The following SEMA6A variants were observed in gnomAD, a reference collection of about 807,000 sequenced individuals.
SEMA6A encodes semaphorin-6A.
A neutral mutation model predicts 96.8 loss-of-function variants in SEMA6A; 25 were observed. The observed-to-expected ratio is 0.26, with a 90% CI of 0.19 to 0.36. The LOEUF (loss-of-function observed/expected upper bound fraction) is 0.36. Ranked by LOEUF, SEMA6A falls within the 10% of genes least tolerant of loss-of-function variation. SEMA6A has a pLI of 1.00. For synonymous variants in SEMA6A, 612 were observed against 518.0 expected (o/e 1.18, Z -2.46); for missense variants, 1,363 against 1,323.1 (o/e 1.03, Z -0.47).
At chr5:116,455,590 A>T (rs1754963704) in intron 18 of SEMA6A, among the ~76,000 whole-genome samples, 2 of 152,120 alleles carry the variant, frequency 1.3e-5, no homozygotes, top group African/African-American at 4.8e-5. Context: ...GGACCTCCTT[A>T]AAAAATTGTG....
chr5:116,472,967 T>A, intron 17 of SEMA6A, 106 bp downstream of exon 17: 1 of 1,516,990 alleles, frequency 6.6e-7, no homozygotes. Context: ...AAAAAATTAA[T>A]TAAAAAGAAA....
At chr5:116,552,744 A>T (rs1182861265) in intron 1 of SEMA6A, among the ~76,000 whole-genome samples, 1 of 152,194 alleles carries the variant, frequency 6.6e-6, no homozygotes, top group Non-Finnish European at 1.5e-5. Context: ...AAGTGTTACT[A>T]ATGGGGCACT....
chr5:116,443,632 CTTTTCTT>C lies in SEMA6A; in HGVS notation c.*2974_*2980del, dbSNP rs1176861739. 4.0e-5 allele frequency: 6 copies of C among 151,778 alleles called. No homozygotes were observed. The East Asian group carries it at 1.2e-3, about 29-fold the overall frequency. The allele number at this position is 151,778 out of a possible 1,614,324, so 9.4% of individuals were successfully genotyped here. On this transcript the variant is annotated 3_prime_UTR_variant, in exon 19 of 19. Transcript: ENST00000343348. ...TTGCTTTTCTTTTTTCCCTTTTTTT[CTTTTCTT>C]TTTTCTTTTCTTACAACATACATTA...
At chr5:116,450,235 G>A (rs1240532150) in intron 18 of SEMA6A, among the ~76,000 whole-genome samples, 4 of 152,138 alleles carry the variant, frequency 2.6e-5, no homozygotes, top group African/African-American at 4.8e-5. Context: ...CAGGCTAGAC[G>A]GCCCCAGTAA....
At chr5:116,523,370 GT>G (rs1759053289) in intron 1 of SEMA6A, among the ~76,000 whole-genome samples, 1 of 152,136 alleles carries the variant, frequency 6.6e-6, no homozygotes, top group African/African-American at 2.4e-5. Flanking sequence ...CTGAAGTGCA[GT>G]GATGCAATCT....
intron 18 of SEMA6A, among the ~76,000 whole-genome samples, chr5:116,454,297 G>A (rs913529307): frequency 8.5e-5 from 13 of 152,220 alleles, no homozygotes; most frequent in South Asian, 4.2e-4. Flanking sequence ...GAAAAGCCCC[G>A]GAGTAGCATC....
rs1387802999 is a variant in SEMA6A, at chr5:116,469,081, A to C, written c.1730-1334T>G. 3.9e-5 allele frequency: 6 copies of C among 152,218 alleles called. No homozygotes were observed. The East Asian group carries it at 1.2e-3, about 29-fold the overall frequency. 9.4% of individuals were successfully genotyped at this position (152,218 alleles called of 1,614,324 possible). On this transcript the variant is annotated intron_variant, in intron 17 of 18. Transcript: ENST00000343348. ...TTCTTAAAACTTTGATTAGCAGGAAAAAGCAAGCCAAGTGGCTCGTCCATG... is the reference window on the plus strand; with the variant it reads ...TTCTTAAAACTTTGATTAGCAGGAACAAGCAAGCCAAGTGGCTCGTCCATG...
chr5:116,572,187 G>C (rs1761243427), intron 1 of SEMA6A, among the ~76,000 whole-genome samples: 1 of 152,210 alleles, frequency 6.6e-6, no homozygotes, highest in Admixed American at 6.5e-5. Flanking sequence ...CGGCTTTTCA[G>C]ATCTGAGGTA....
rs755212132 is a variant in SEMA6A, at chr5:116,491,741, T to G, written c.534A>C (p.Ala178=). 15 of 1,612,924 alleles carry G rather than the reference T, an allele frequency of 9.3e-6. No individual in the cohort carries two copies. The South Asian group carries it at 1.5e-4, about 17-fold the overall frequency. The change falls in exon 7 of 19, where the codon GCA becomes GCC. Residue 178 remains alanine (A), a splice_region_variant and synonymous_variant. Transcript: ENST00000343348. ...ACGAGGAGAAATCAGGTCGCTTACC[T>G]GCAAACAGTGCAACGTTGGCATGTT... is the stretch of plus-strand genomic sequence containing the variant. ...DAKHANVALF[A]DGKLYSATVT...
chr5:116,447,546 C>T lies in SEMA6A; in HGVS notation c.2160G>A (p.Glu720=), dbSNP rs772339725. 115 of 1,613,944 alleles carry T rather than the reference C, an allele frequency of 7.1e-5. No homozygotes were observed. The highest frequency in any genetic ancestry group is 9.4e-5 in the Non-Finnish European group (111 of 1,179,918). Residue 720 remains glutamate, a synonymous_variant, in exon 19 of 19, where the codon GAG becomes GAA. Transcript: ENST00000343348. The stretch of plus-strand genomic sequence containing the variant: ...TGTGCATGAGTGGCGTGAGGATGGC[C>T]TCCGGCTTTGGGTCTTTGGATTGAG... ...GDTQSKDPKP[E]AILTPLMHNG... is the part of the protein sequence containing the mutation.
At chr5:116,481,739 G>A (rs112001697) in intron 11 of SEMA6A, among the ~76,000 whole-genome samples, 5 of 152,120 alleles carry the variant, frequency 3.3e-5, no homozygotes, top group East Asian at 1.9e-4. Flanking sequence ...AGGGCTTAGC[G>A]GGGACTTCCC....
chr5:116,517,803 T>C (rs1301053892), intron 1 of SEMA6A, among the ~76,000 whole-genome samples: 3 of 152,170 alleles, frequency 2.0e-5, no homozygotes, highest in Non-Finnish European at 4.4e-5. Context: ...TTTCTTCCCA[T>C]CTGATGGCCA....
At chr5:116,513,159 C>T (rs937604813) in intron 1 of SEMA6A, among the ~76,000 whole-genome samples, 2 of 151,872 alleles carry the variant, frequency 1.3e-5, no homozygotes, top group Admixed American at 6.6e-5. Context: ...CGGAGTTTCG[C>T]TCTTGTTGTC....
chr5:116,522,157 G>A (rs1189051343), intron 1 of SEMA6A, among the ~76,000 whole-genome samples: 1 of 152,180 alleles, frequency 6.6e-6, no homozygotes, highest in African/African-American at 2.4e-5. Context: ...GTGTCTCTGA[G>A]GGAGGAGGTG....
At chr5:116,508,573 T>C (rs1758253848) in intron 1 of SEMA6A, among the ~76,000 whole-genome samples, 1 of 152,084 alleles carries the variant, frequency 6.6e-6, no homozygotes. Flanking sequence ...CTACGGGGGC[T>C]CACAAACTCG....
intron 1 of SEMA6A, among the ~76,000 whole-genome samples, chr5:116,505,345 T>G (rs768445723): frequency 2.6e-5 from 4 of 152,202 alleles, no homozygotes; most frequent in South Asian, 2.1e-4. Context: ...TTTCTGATAT[T>G]AATCTAGATT....
intron 18 of SEMA6A, among the ~76,000 whole-genome samples, chr5:116,458,071 T>C (rs1458096761): frequency 2.6e-5 from 4 of 152,112 alleles, no homozygotes; most frequent in Non-Finnish European, 5.9e-5. Flanking sequence ...GCAGTGAAGT[T>C]TGCAAAGTAA....
chr5:116,478,105 C>A lies in SEMA6A; in HGVS notation c.1477G>T (p.Asp493Tyr). ...ACATACAGAGAGCTGCTTGCTCTGT[C>A]CAGCTGCATGCCCATGATCCTTTTG... The part of the protein sequence containing the change: ...EDKRIMGMQL[D>Y]RASSSLYVAF... The change falls in exon 14 of 19, where the codon GAC (aspartate) becomes TAC (tyrosine). Residue 493 changes from aspartate (D) to tyrosine (Y), a missense_variant. By Grantham distance (160) the Asp-to-Tyr change is radical. Around this residue, in one of 2 missense-constraint regions of SEMA6A, gnomAD observed 883 missense variants for 763.6 expected, o/e 1.16. Coordinates refer to ENST00000343348, the MANE Select transcript of SEMA6A (RefSeq NM_020796.5). 5 of 1,613,950 alleles carry A rather than the reference C, an allele frequency of 3.1e-6. No homozygotes were observed. The highest frequency in any genetic ancestry group is 4.2e-6 in the Non-Finnish European group (5 of 1,179,860).
intron 1 of SEMA6A, among the ~76,000 whole-genome samples, chr5:116,539,047 T>C (rs986590165): frequency 5.9e-5 from 9 of 152,184 alleles, no homozygotes; most frequent in African/African-American, 2.2e-4. Flanking sequence ...TCAAGCAAAT[T>C]TTTCTCCATT....
Sources: gnomAD v4.1 joint callset for allele counts (sites outside exome capture counted in the v4.1 genomes callset) on GRCh38, gnomAD v4.1.1 for gene constraint, gnomAD v4.1.1 regional missense constraint, MANE v1.5 for transcripts, NCBI Gene and HGNC (gene_info 2026-07-23, HGNC 2026-07-21) for gene names.